The following ASGR2 variants were observed in gnomAD, a reference collection of about 807,000 sequenced individuals.
ASGR2 encodes the protein asialoglycoprotein receptor 2, also known as C-type lectin domain family 4 member H2.
In ASGR2, 34 loss-of-function variants were observed where a neutral mutation model predicts 32.3. The ratio of observed to expected loss-of-function variants is 1.05; its 90% CI spans 0.80 to 1.40. The LOEUF is 1.40. Among genes scored for constraint, ASGR2 ranks in the 40% most tolerant of loss-of-function variants. ASGR2 has a pLI of 0.00. For synonymous variants in ASGR2, 143 were observed against 150.0 expected, an observed-to-expected ratio of 0.95 and a Z score of 0.34; for missense variants, 385 against 386.4, an observed-to-expected ratio of 1.00 and a Z score of 0.03.
chr17:7,101,819 AT>A, intron 8 of ASGR2, 79 bp from the exon 9 acceptor site: 1 of 1,537,580 alleles, frequency 6.5e-7, no homozygotes, highest in Non-Finnish European at 8.8e-7. Flanking sequence ...CTTCATGACC[AT>A]TTTCCTTGAA....
chr17:7,101,608 C>G lies in ASGR2; in HGVS notation c.888G>C (p.Glu296Asp). Residue 296 changes from glutamate to aspartate, a missense_variant, in exon 9 of 9, where the codon GAG becomes GAC. Transcript: ENST00000691900. The stretch of plus-strand genomic sequence containing the variant: ...CCTCGCCGGTGGCATTCCGCCTTTT[C>G]TCACACACCCAGCGGTACACCTGCA... ...FCLQVYRWVCEKRRNATGEVA is the reference protein window; with the variant it reads ...FCLQVYRWVCDKRRNATGEVA 5 of 1,614,178 alleles carry G rather than the reference C, an allele frequency of 3.1e-6. No homozygotes were observed. The highest frequency in any genetic ancestry group is 4.2e-6 in the Non-Finnish European group (5 of 1,180,028).
Position 7,114,070 on chromosome 17 carries a change from T to C in ASGR2, c.124+47A>G. On this transcript the variant is annotated intron_variant, in intron 2 of 8. Transcript: ENST00000691900. The surrounding 1 kb of genome is among the most constrained non-coding windows in gnomAD (Gnocchi z 4.5). Reference sequence around the variant, plus strand: ...AGACCTCAAAGGGACAGAGCAATCATGAGCTGAGACAGAGGGGGAGCAAAG... The same window carrying C: ...AGACCTCAAAGGGACAGAGCAATCACGAGCTGAGACAGAGGGGGAGCAAAG... The C allele has an allele frequency of 1.9e-6, 3 of 1,610,778 alleles. No individual in the cohort carries two copies. The highest frequency in any genetic ancestry group is 2.5e-6 in the Non-Finnish European group (3 of 1,178,308).
rs1914961507 is a variant in ASGR2 at position 7,113,326 on chromosome 17, T to TAACACACACACTCACGC, written c.124+774_124+790dup. Among the ~76,000 whole-genome samples, 2 of 133,380 alleles carry TAACACACACACTCACGC rather than the reference T, an allele frequency of 1.5e-5. No homozygotes were observed. The highest frequency in any genetic ancestry group is 3.3e-5 in the Non-Finnish European group (2 of 60,000). 87.5% of individuals were successfully genotyped at this position (133,380 alleles called of 152,430 possible). ...CACACATACAATCACATACACACAC[T>TAACACACACACTCACGC]AACACACACACTCACGCAACACACT... On this transcript the variant is annotated intron_variant, in intron 2 of 8. Coordinates refer to ENST00000691900, the MANE Select transcript of ASGR2 (RefSeq NM_001201352.2). This position sits in a 1 kb window ranked among gnomAD's most constrained non-coding sequence, Gnocchi z 5.1.
Position 7,114,285 on chromosome 17 carries a change from G to GGCTGA in ASGR2, c.-50_-46dup. 6.2e-7 allele frequency: 1 copy of GGCTGA among 1,608,462 alleles called. No individual in the cohort carries two copies. Among genetic ancestry groups the GGCTGA allele is most frequent in the Non-Finnish European group, 8.5e-7 (1 of 1,178,314 alleles). ...CTGGAGCTGGAGCTGGGCTGGGCTG[G>GGCTGA]GCTGAGGTTGCTCTGAGGGCTGGGG... is the stretch of plus-strand genomic sequence containing the variant. On this transcript the variant is annotated 5_prime_UTR_variant, in exon 2 of 9. Transcript: ENST00000691900. This position sits in a 1 kb window ranked among gnomAD's most constrained non-coding sequence, Gnocchi z 4.5.
rs777751758 is a variant in ASGR2 at position 7,102,074 on chromosome 17, G to T, written c.755+16C>A. ...CAGAGAAATCTAACAAGGAGATGAG[G>T]GAAGAGGCCACTTACTTGTAGTTGT... On this transcript the variant is annotated intron_variant, in intron 8 of 8. Transcript: ENST00000691900. 3.7e-6 allele frequency: 6 copies of T among 1,605,866 alleles called. 1 individual carries two copies. The Admixed American group carries it at 1.0e-4, about 27-fold the overall frequency.
intron 7 of ASGR2, among the ~76,000 whole-genome samples, chr17:7,106,659 T>C (rs1419008238): frequency 6.6e-6 from 1 of 152,096 alleles, no homozygotes; most frequent in East Asian, 1.9e-4. Context: ...ATCCCACCAC[T>C]TTGGGAGGCG....
In ASGR2 at chr17:7,103,542, A is replaced by G. The variant is rs907404555; in HGVS notation, c.649-1346T>C. On this transcript the variant is annotated intron_variant, in intron 7 of 8. Coordinates refer to ENST00000691900, the MANE Select transcript of ASGR2 (RefSeq NM_001201352.2). ...AGGAGGAATCAAATCATGCCAGATG[A>G]TCAGAGAAGACAGTCCGGGAGAATT... Among the ~76,000 whole-genome samples, 7 of 152,214 alleles carry G rather than the reference A, an allele frequency of 4.6e-5. No homozygotes were observed. The South Asian group carries it at 1.4e-3, about 31-fold the overall frequency.
intron 2 of ASGR2, among the ~76,000 whole-genome samples, chr17:7,111,023 A>G (rs1310043111): frequency 6.6e-6 from 1 of 152,164 alleles, no homozygotes; most frequent in Non-Finnish European, 1.5e-5. Context: ...GATCAAACTG[A>G]CTCTAAGTTG....
intron 7 of ASGR2, among the ~76,000 whole-genome samples, chr17:7,105,821 C>A (rs1240207204): frequency 2.7e-5 from 4 of 149,968 alleles, no homozygotes; most frequent in African/African-American, 9.8e-5. Flanking sequence ...CAGAGTCTCG[C>A]ACTGTCACCC....
In ASGR2 at chr17:7,113,070, G is replaced by A. The variant is rs985329125; in HGVS notation, c.124+1047C>T. ...ACTACTTGGGAGGCTGAGGTGGGAG[G>A]ATGGCTTGAGCCCAGGAGTTCGAGG... On this transcript the variant is annotated intron_variant, in intron 2 of 8. Transcript: ENST00000691900. The surrounding 1 kb of genome is among the most constrained non-coding windows in gnomAD (Gnocchi z 5.1). Among the ~76,000 whole-genome samples, 5 of 151,964 alleles carry A rather than the reference G, an allele frequency of 3.3e-5. No individual in the cohort carries two copies. The highest frequency in any genetic ancestry group is 7.4e-5 in the Non-Finnish European group (5 of 68,022).
chr17:7,102,042 C>A lies in ASGR2; in HGVS notation c.755+48G>T, dbSNP rs200958931. 5.1e-6 allele frequency: 8 copies of A among 1,560,608 alleles called. No homozygotes were observed. In the East Asian group the frequency reaches 1.8e-4, roughly 35 times the overall value. Reference sequence around the variant, plus strand: ...TAGCTTGGAGTGAAAGGCCAGGGGGCTGTCCCCAGAGAAATCTAACAAGGA... The same window carrying A: ...TAGCTTGGAGTGAAAGGCCAGGGGGATGTCCCCAGAGAAATCTAACAAGGA... On this transcript the variant is annotated intron_variant, in intron 8 of 8. Coordinates refer to ENST00000691900, the MANE Select transcript of ASGR2 (RefSeq NM_001201352.2).
At chr17:7,112,753 C>T (rs1020978167) in intron 2 of ASGR2, among the ~76,000 whole-genome samples, 1 of 152,070 alleles carries the variant, frequency 6.6e-6, no homozygotes, top group Non-Finnish European at 1.5e-5. Flanking sequence ...GGCCCTCCCT[C>T]GGTTGGCCAG....
chr17:7,114,949 C>G (rs1317605956), upstream of ASGR2: 3 of 985,300 alleles, frequency 3.0e-6, no homozygotes, highest in Non-Finnish European at 3.6e-6. The surrounding 1 kb of genome is among the most constrained non-coding windows in gnomAD (Gnocchi z 4.5). Flanking sequence ...CCACTCACCC[C>G]ACTCATTGCA....
Position 7,113,035 on chromosome 17 carries a change from G to A in ASGR2, c.124+1082C>T, listed in dbSNP as rs1347781049. ...TTGCCAGGCACAGTGGTGCACACCTGTAAGTCCTAACTACTTGGGAGGCTG... is the reference window on the plus strand; with the variant it reads ...TTGCCAGGCACAGTGGTGCACACCTATAAGTCCTAACTACTTGGGAGGCTG... On this transcript the variant is annotated intron_variant, in intron 2 of 8. Coordinates refer to ENST00000691900, the MANE Select transcript of ASGR2 (RefSeq NM_001201352.2). This position sits in a 1 kb window ranked among gnomAD's most constrained non-coding sequence, Gnocchi z 5.1. Among the ~76,000 whole-genome samples, 1 of 152,014 alleles carries A rather than the reference G, an allele frequency of 6.6e-6. No individual in the cohort carries two copies. Among genetic ancestry groups the A allele is most frequent in the Non-Finnish European group, 1.5e-5 (1 of 68,004 alleles).
chr17:7,111,395 G>T (rs557215717), intron 2 of ASGR2, among the ~76,000 whole-genome samples: 1 of 152,166 alleles, frequency 6.6e-6, no homozygotes, highest in African/African-American at 2.4e-5. Context: ...CGTGGCTCAC[G>T]CCTGGAATCC....
At position 7,107,946 on chromosome 17, in the gene ASGR2, C is replaced by A. The variant is rs1195114029; in HGVS notation, c.338-39G>T. ...GCCAGCTGTTTCCCCGCTGAGCCTC[C>A]CTCCGTCCTCATGCTGCTGGGGGAC... is the stretch of plus-strand genomic sequence containing the variant. On this transcript the variant is annotated intron_variant, in intron 4 of 8. Transcript: ENST00000691900. This position sits in a 1 kb window ranked among gnomAD's most constrained non-coding sequence, Gnocchi z 5.0. 4 of 1,611,384 alleles carry A rather than the reference C, an allele frequency of 2.5e-6. No homozygotes were observed.
intron 7 of ASGR2, 81 bp downstream of exon 7, chr17:7,106,919 A>AG: frequency 6.7e-7 from 1 of 1,496,000 alleles, no homozygotes; most frequent in Non-Finnish European, 9.0e-7. Context: ...AAAAAAAAAA[A>AG]TGGATAAAAT....
In ASGR2 at chr17:7,108,711, C is replaced by T. The variant is rs1164555434; in HGVS notation, c.241+61G>A. 6.2e-7 allele frequency: 1 copy of T among 1,612,894 alleles called. No individual in the cohort carries two copies. Among genetic ancestry groups the T allele is most frequent in the East Asian group, 2.2e-5 (1 of 44,852 alleles). On this transcript the variant is annotated intron_variant, in intron 3 of 8. Transcript: ENST00000691900. The surrounding 1 kb of genome is among the most constrained non-coding windows in gnomAD (Gnocchi z 4.9). ...CTCCCATCGCCCCGATCGCTGCCCGCCACTGCCCATGTCTCTTTCCCTACC... is the reference window on the plus strand; with the variant it reads ...CTCCCATCGCCCCGATCGCTGCCCGTCACTGCCCATGTCTCTTTCCCTACC...
rs749007306 is a variant in ASGR2, at chr17:7,107,575, A to G, written c.410-258T>C. ...CGTACACACACATATACCATACCGCACACACACAGACTCATCTCACACACA... is the reference window on the plus strand; with the variant it reads ...CGTACACACACATATACCATACCGCGCACACACAGACTCATCTCACACACA... On this transcript the variant is annotated intron_variant, in intron 5 of 8. Coordinates refer to ENST00000691900, the MANE Select transcript of ASGR2 (RefSeq NM_001201352.2). This position sits in a 1 kb window ranked among gnomAD's most constrained non-coding sequence, Gnocchi z 5.0. 9.5e-4 allele frequency: 601 copies of G among 635,434 alleles called. No individual in the cohort carries two copies. Among genetic ancestry groups the G allele is most frequent in the Middle Eastern group, 1.7e-3 (4 of 2,394 alleles). 39.4% of individuals were successfully genotyped at this position (635,434 alleles called of 1,614,324 possible).
Sources: allele counts gnomAD v4.1 joint callset (sites outside exome capture counted in the v4.1 genomes callset), GRCh38; gene constraint gnomAD v4.1.1; non-coding constraint Gnocchi (gnomAD v3.1); transcripts MANE v1.5; gene names NCBI Gene and HGNC (gene_info 2026-07-23, HGNC 2026-07-21).